ARHGAP45: variants seen among roughly 807,000 people sequenced by gnomAD.
ARHGAP45 encodes the protein Rho GTPase activating protein 45.
ARHGAP45 carries 56 observed loss-of-function variants against 116.1 expected under a neutral mutation model. The ratio of observed to expected loss-of-function variants is 0.48; its 90% CI spans 0.39 to 0.60. ARHGAP45 has a LOEUF of 0.60. Ranked by LOEUF, ARHGAP45 falls within the 20% of genes least tolerant of loss-of-function variation. The pLI is 0.00. For synonymous variants in ARHGAP45, 866 were observed against 701.7 expected (o/e 1.23, Z -3.70); for missense variants, 1,622 against 1,601.0 (o/e 1.01, Z -0.22).
In ARHGAP45 at chr19:1,074,729, G is replaced by A. The variant is rs764418195; in HGVS notation, c.1104+5G>A. The A allele has an allele frequency of 3.1e-6, 5 of 1,604,418 alleles. No individual in the cohort carries two copies. The African/African-American group carries it at 6.7e-5, about 21-fold the overall frequency. The stretch of plus-strand genomic sequence containing the variant: ...CAGACCCAGACCTTCATGCAGGTGC[G>A]TGGTGCCCGGGAGGGCGGGCTGGGC... On this transcript the variant is annotated splice_donor_5th_base_variant and intron_variant, in intron 9 of 22. Transcript: ENST00000313093.
chr19:1,083,421 A>C, intron 21 of ARHGAP45, 68 bp downstream of exon 21: 1 of 1,380,684 alleles, frequency 7.2e-7, no homozygotes, highest in Non-Finnish European at 9.9e-7. Flanking sequence ...TGCTGGGGAC[A>C]GTCGTTGTCG....
rs1306347482 is a variant in ARHGAP45 at position 1,080,902 on chromosome 19, C to T, written c.2028C>T (p.Asn676=). 6.2e-7 allele frequency: 1 copy of T among 1,607,988 alleles called. No homozygotes were observed. Among genetic ancestry groups the T allele is most frequent in the South Asian group, 1.1e-5 (1 of 90,690 alleles). Residue 676 remains asparagine (N), a synonymous_variant, in exon 17 of 23, where the codon AAC becomes AAT. Transcript: ENST00000313093. ...GASAFEQADL[N]GMTPELPVAV... ...CTGTGCTGCCCGCAGCTGACCTCAA[C>T]GGCATGACCCCCGAGCTGCCGGTGG...
At chr19:1,072,630 T>G (rs2043161083) in intron 2 of ARHGAP45, among the ~76,000 whole-genome samples, 1 of 152,200 alleles carries the variant, frequency 6.6e-6, no homozygotes, top group South Asian at 2.1e-4. Context: ...TGGCTCCCTA[T>G]TGCCCTGGAG....
chr19:1,077,642 T>A (rs748315887), intron 10 of ARHGAP45: 9 of 1,429,386 alleles, frequency 6.3e-6, no homozygotes, highest in Non-Finnish European at 8.3e-6. Context: ...TGCCTCGGCC[T>A]CCCAAAGTGC....
At position 1,074,161 on chromosome 19, in the gene ARHGAP45, A is replaced by T. The variant is rs1313846560; in HGVS notation, c.848A>T (p.Asp283Val). 6.2e-7 allele frequency: 1 copy of T among 1,613,338 alleles called. No individual in the cohort carries two copies. The highest frequency in any genetic ancestry group is 1.7e-5 in the Admixed American group (1 of 59,996). ...VLLQRCEGGV[D>V]AALLYAKNMA... ...CTACAGCGCTGTGAGGGGGGCGTGGATGCCGCACTGCTGTATGCCAAGAAC... is the reference window on the plus strand; with the variant it reads ...CTACAGCGCTGTGAGGGGGGCGTGGTTGCCGCACTGCTGTATGCCAAGAAC... Residue 283 changes from aspartate (D) to valine (V), a missense_variant, in exon 7 of 23, where the codon GAT becomes GTT. This residue lies in a region of ARHGAP45 where 1,334 missense variants were observed against 1,263.8 expected (regional missense o/e 1.06). Transcript: ENST00000313093.
At chr19:1,077,311 G>T (rs2043275526) in intron 10 of ARHGAP45, 1 of 985,232 alleles carries the variant, frequency 1.0e-6, no homozygotes, top group Non-Finnish European at 1.2e-6. Context: ...TTCCCGGGCT[G>T]CAGAGTGGGC....
chr19:1,070,329 C>CTTTTTTTTT (rs1172163710), intron 2 of ARHGAP45, among the ~76,000 whole-genome samples: 13 of 93,272 alleles, frequency 1.4e-4, no homozygotes, highest in South Asian at 3.7e-4. Context: ...CTTTTCTTTT[C>CTTTTTTTTT]TTTTTTTTTT....
intron 10 of ARHGAP45, among the ~76,000 whole-genome samples, chr19:1,076,559 C>T (rs1344610832): frequency 1.6e-5 from 2 of 127,510 alleles, no homozygotes; most frequent in Non-Finnish European, 1.6e-5. Context: ...TGCAGTGGAT[C>T]GATCTCAGCT....
intron 11 of ARHGAP45, 26 bp downstream of exon 11, chr19:1,078,071 G>C: frequency 6.5e-7 from 1 of 1,534,576 alleles, no homozygotes. Flanking sequence ...GGCAGGGCTG[G>C]AGGTCCCTGG....
chr19:1,079,105 G>A (rs971235560), intron 11 of ARHGAP45, among the ~76,000 whole-genome samples: 4 of 151,706 alleles, frequency 2.6e-5, no homozygotes, highest in Admixed American at 2.6e-4. Flanking sequence ...GCATGAACCC[G>A]GGAGGTGGAG....
chr19:1,076,700 T>A (rs2043258213), intron 10 of ARHGAP45, among the ~76,000 whole-genome samples: 1 of 151,934 alleles, frequency 6.6e-6, no homozygotes, highest in Non-Finnish European at 1.5e-5. Flanking sequence ...TTTCACCACC[T>A]TGGCCAGGCT....
intron 19 of ARHGAP45, 117 bp from the exon 20 acceptor site, chr19:1,082,723 G>A (rs1221385759): frequency 1.1e-6 from 1 of 891,472 alleles, no homozygotes; most frequent in Admixed American, 3.4e-5. Flanking sequence ...TGGAACCCGA[G>A]CTCGGTGGGG....
At position 1,068,252 on chromosome 19, in the gene ARHGAP45, G is replaced by T. The variant is rs1254548517; in HGVS notation, c.91-162G>T. The T allele has an allele frequency of 3.3e-6, 2 of 602,016 alleles. No individual in the cohort carries two copies. The highest frequency in any genetic ancestry group is 6.5e-5 in the Admixed American group (2 of 30,810). The allele number at this position is 602,016 out of a possible 1,614,324, so 37.3% of individuals were successfully genotyped here. A position where few individuals can be genotyped will look rare whatever the true frequency, so the allele number is the denominator to read the frequency against. Reference sequence around the variant, plus strand: ...GAAGAGGATGTTGGGTAACAGGTGGGGGGGTACACTACCAAATCTCGGCCC... The same window carrying T: ...GAAGAGGATGTTGGGTAACAGGTGGTGGGGTACACTACCAAATCTCGGCCC... On this transcript the variant is annotated intron_variant, in intron 1 of 22. Transcript: ENST00000313093. The surrounding 1 kb of genome is among the most constrained non-coding windows in gnomAD (Gnocchi z 7.5).
In ARHGAP45 at chr19:1,074,199, A is replaced by C. The variant is rs775621974; in HGVS notation, c.886A>C (p.Met296Leu). The C allele has an allele frequency of 3.7e-6, 6 of 1,613,432 alleles. No homozygotes were observed. In the East Asian group the frequency reaches 1.1e-4, roughly 30 times the overall value. Residue 296 changes from methionine (M) to leucine (L), a missense_variant, in exon 7 of 23, where the codon ATG (methionine) becomes CTG (leucine). This residue lies in a region of ARHGAP45 where 1,334 missense variants were observed against 1,263.8 expected (regional missense o/e 1.06). Transcript: ENST00000313093. Reference sequence around the variant, plus strand: ...GTATGCCAAGAACATGGCCAAGTACATGAAGGACCTCATCAGCTACCTGGA... The same window carrying C: ...GTATGCCAAGAACATGGCCAAGTACCTGAAGGACCTCATCAGCTACCTGGA... ...LLYAKNMAKY[M>L]KDLISYLEKR...
intron 11 of ARHGAP45, among the ~76,000 whole-genome samples, chr19:1,078,353 C>G (rs538317915): frequency 1.4e-3 from 208 of 152,096 alleles, no homozygotes; most frequent in Non-Finnish European, 2.3e-3. Context: ...CTGTGTTAGC[C>G]AGGATGGTCT....
rs1418630669 is a variant in ARHGAP45, at chr19:1,074,607, C to T, written c.994-7C>T. On this transcript the variant is annotated splice_polypyrimidine_tract_variant and splice_region_variant and intron_variant, in intron 8 of 22. Coordinates refer to ENST00000313093, the MANE Select transcript of ARHGAP45 (RefSeq NM_012292.5). ...CCCCACCCAGTGAGCCGGTGCCCCA[C>T]CCACAGCCCCACATGCCGCTCCTGT... is the stretch of plus-strand genomic sequence containing the variant. 3.2e-6 allele frequency: 5 copies of T among 1,559,182 alleles called. No individual in the cohort carries two copies.
rs370995062 is a variant in ARHGAP45, at chr19:1,077,971, G to A, written c.1300G>A (p.Ala434Thr). The A allele has an allele frequency of 1.7e-5, 27 of 1,553,222 alleles. No individual in the cohort carries two copies. The highest frequency in any genetic ancestry group is 3.3e-4 in the Middle Eastern group (2 of 5,984). Residue 434 changes from alanine to threonine, a missense_variant, in exon 11 of 23, where the codon GCG becomes ACG. Around this residue, in one of 3 missense-constraint regions of ARHGAP45, gnomAD observed 1,334 missense variants for 1,263.8 expected, o/e 1.06. Coordinates refer to ENST00000313093, the MANE Select transcript of ARHGAP45 (RefSeq NM_012292.5). ...AKAEEEQAGS[A>T]PGAGSTATKT... ...GGCGGAGGAGGAGCAGGCTGGCAGC[G>A]CGCCGGGAGCAGGCAGCACGGCCAC... is the stretch of plus-strand genomic sequence containing the variant.
intron 2 of ARHGAP45, among the ~76,000 whole-genome samples, chr19:1,072,775 G>C (rs1277690782): frequency 6.6e-6 from 1 of 152,250 alleles, no homozygotes; most frequent in Non-Finnish European, 1.5e-5. Context: ...AGGGCAGAGA[G>C]AGACCTGGAC....
chr19:1,083,646 C>G (rs1391191159), intron 21 of ARHGAP45, among the ~76,000 whole-genome samples: 1 of 152,194 alleles, frequency 6.6e-6, no homozygotes, highest in Non-Finnish European at 1.5e-5. Context: ...TTTCCCATCC[C>G]GGTGCTGCCT....
Sources: allele counts gnomAD v4.1 joint callset (sites outside exome capture counted in the v4.1 genomes callset), GRCh38; gene constraint gnomAD v4.1.1; regional missense constraint gnomAD v4.1.1; non-coding constraint Gnocchi (gnomAD v3.1); transcripts MANE v1.5; gene names NCBI Gene and HGNC (gene_info 2026-07-23, HGNC 2026-07-21).